Variants in TP53INP2 observed in about 807,000 individuals in gnomAD.
TP53INP2 encodes tumor protein p53 inducible nuclear protein 2.
TP53INP2 carries 12 observed loss-of-function variants against 17.1 expected under a neutral mutation model. That is an observed-to-expected ratio of 0.70 (90% CI 0.45 to 1.14). The LOEUF (loss-of-function observed/expected upper bound fraction) is 1.14. Ranked by LOEUF, TP53INP2 falls within the 50% of genes most tolerant of loss-of-function variation. TP53INP2 has a pLI of 0.00. For missense variants in TP53INP2, 342 were observed against 330.9 expected, an observed-to-expected ratio of 1.03 and a Z score of -0.26; for synonymous variants, 145 against 147.3, an observed-to-expected ratio of 0.98 and a Z score of 0.12.
rs754966270 is a variant in TP53INP2, at chr20:34,711,114, C to G, written c.*807C>G. The G allele has an allele frequency of 5.2e-5, 8 of 152,446 alleles. No homozygotes were observed. Among genetic ancestry groups the G allele is most frequent in the Non-Finnish European group, 8.8e-5 (6 of 68,174 alleles). 9.4% of individuals were successfully genotyped at this position (152,446 alleles called of 1,614,324 possible). On this transcript the variant is annotated 3_prime_UTR_variant, in exon 5 of 5. Coordinates refer to ENST00000374810, the MANE Select transcript of TP53INP2 (RefSeq NM_021202.3). This position sits in a 1 kb window ranked among gnomAD's most constrained non-coding sequence, Gnocchi z 4.1. Reference sequence around the variant, plus strand: ...GCTCAGAGAGGCCAAACCCTGCTCCCAGGCTGAAGCCTGGAGTCTGCCCCC... The same window carrying G: ...GCTCAGAGAGGCCAAACCCTGCTCCGAGGCTGAAGCCTGGAGTCTGCCCCC...
At position 34,706,301 on chromosome 20, in the gene TP53INP2, G is replaced by T. The variant is rs1032875316; in HGVS notation, c.-50+827G>T. The stretch of plus-strand genomic sequence containing the variant: ...ACTAGGTCTGCCCTGCCACTATCTA[G>T]CCATGTATTTTTGGATAGATTTATG... On this transcript the variant is annotated intron_variant, in intron 2 of 4. Transcript: ENST00000374810. Among the ~76,000 whole-genome samples, 11 of 152,284 alleles carry T rather than the reference G, an allele frequency of 7.2e-5. 1 individual carries two copies. The Middle Eastern group carries it at 0.017, about 235-fold the overall frequency.
At position 34,712,929 on chromosome 20, in the gene TP53INP2, T is replaced by C. The variant is rs1269392227; in HGVS notation, c.*2622T>C. 6.6e-6 allele frequency: 1 copy of C among 152,638 alleles called. No individual in the cohort carries two copies. The highest frequency in any genetic ancestry group is 1.5e-5 in the Non-Finnish European group (1 of 68,050). The allele number at this position is 152,638 out of a possible 1,614,324, so 9.5% of individuals were successfully genotyped here. Reference sequence around the variant, plus strand: ...AGTGGTTCCTTCAAGCTGGGTGTCTTTCCAGCCTTTGCCAGTCTAGCCCCA... The same window carrying C: ...AGTGGTTCCTTCAAGCTGGGTGTCTCTCCAGCCTTTGCCAGTCTAGCCCCA... On this transcript the variant is annotated 3_prime_UTR_variant, in exon 5 of 5. Coordinates refer to ENST00000374810, the MANE Select transcript of TP53INP2 (RefSeq NM_021202.3).
Position 34,708,875 on chromosome 20 carries a change from G to T in TP53INP2, c.124+12G>T. The stretch of plus-strand genomic sequence containing the variant: ...CATTGACCTGCCGGGTGAGGCCTGG[G>T]TCTGTCTCCTGGGCCTGTGAAGTCA... On this transcript the variant is annotated intron_variant, in intron 3 of 4. Transcript: ENST00000374810. The T allele has an allele frequency of 6.2e-7, 1 of 1,612,766 alleles. No individual in the cohort carries two copies. The highest frequency in any genetic ancestry group is 8.5e-7 in the Non-Finnish European group (1 of 1,179,130).
intron 1 of TP53INP2, 179 bp downstream of exon 1, chr20:34,704,691 A>G (rs1428067306): frequency 2.0e-5 from 3 of 151,906 alleles, no homozygotes; most frequent in African/African-American, 7.3e-5. Flanking sequence ...TGACATTGAG[A>G]CGTCACCAAG....
Position 34,710,267 on chromosome 20 carries a change from G to A in TP53INP2, c.623G>A (p.Ser208Asn). The A allele has an allele frequency of 6.9e-7, 1 of 1,451,966 alleles. No homozygotes were observed. The highest frequency in any genetic ancestry group is 9.2e-7 in the Non-Finnish European group (1 of 1,091,450). 89.9% of individuals were successfully genotyped at this position (1,451,966 alleles called of 1,614,324 possible). ...CCGCGCCGGTCCAAGAACCAGAGCAGCTTCATCTACCAGCCGTGCCAGCGC... is the reference window on the plus strand; with the variant it reads ...CCGCGCCGGTCCAAGAACCAGAGCAACTTCATCTACCAGCCGTGCCAGCGC... ...SRPRRSKNQS[S>N]FIYQPCQRQF... The change falls in exon 5 of 5, where the codon AGC becomes AAC. Residue 208 changes from serine (S) to asparagine (N), a missense_variant. Coordinates refer to ENST00000374810, the MANE Select transcript of TP53INP2 (RefSeq NM_021202.3). This position sits in a 1 kb window ranked among gnomAD's most constrained non-coding sequence, Gnocchi z 4.9.
In TP53INP2 at chr20:34,708,577, C is replaced by T. The variant is rs1988053376; in HGVS notation, c.-49-114C>T. Reference sequence around the variant, plus strand: ...TTCCCAAAGCGTCCGCACACATCCCCGTTGTGTGTACCCTTCTCCCTGCTC... The same window carrying T: ...TTCCCAAAGCGTCCGCACACATCCCTGTTGTGTGTACCCTTCTCCCTGCTC... On this transcript the variant is annotated intron_variant, in intron 2 of 4. Transcript: ENST00000374810. 11 of 593,770 alleles carry T rather than the reference C, an allele frequency of 1.9e-5. 1 individual carries two copies. In the South Asian group the frequency reaches 2.4e-4, roughly 13 times the overall value. The allele number at this position is 593,770 out of a possible 1,614,324, so 36.8% of individuals were successfully genotyped here. A position where few individuals can be genotyped will look rare whatever the true frequency, so the allele number is the denominator to read the frequency against.
intron 2 of TP53INP2, among the ~76,000 whole-genome samples, 188 bp downstream of exon 2, chr20:34,705,662 GT>G (rs1194695864): frequency 6.6e-6 from 1 of 152,196 alleles, no homozygotes; most frequent in African/African-American, 2.4e-5. Flanking sequence ...CCCACAGAGA[GT>G]ATAGGAGAAG....
Position 34,708,782 on chromosome 20 carries a change from C to T in TP53INP2, c.43C>T (p.Pro15Ser), listed in dbSNP as rs752289195. ...CAGCCTCTTCTTCAGCACCCCCTCGCCCCCCGAAGACCCCGACTGCCCCCG... is the reference window on the plus strand; with the variant it reads ...CAGCCTCTTCTTCAGCACCCCCTCGTCCCCCGAAGACCCCGACTGCCCCCG... ...LSSLFFSTPS[P>S]PEDPDCPRAF... is the part of the protein sequence containing the mutation. Residue 15 changes from proline to serine, a missense_variant, in exon 3 of 5, where the codon CCC becomes TCC. Pro to Ser is a moderately conservative substitution (Grantham distance 74, BLOSUM62 -1). Coordinates refer to ENST00000374810, the MANE Select transcript of TP53INP2 (RefSeq NM_021202.3). The T allele has an allele frequency of 8.1e-6, 13 of 1,606,218 alleles. No homozygotes were observed. In the Admixed American group the frequency reaches 1.7e-4, roughly 21 times the overall value.
chr20:34,712,624 T>C lies in TP53INP2; in HGVS notation c.*2317T>C, dbSNP rs1170188774. ...CCCTTGTCATACTGTATTGACTGTG[T>C]ACGTGCCTTTCACCTTGAGCATGCT... is the stretch of plus-strand genomic sequence containing the variant. On this transcript the variant is annotated 3_prime_UTR_variant, in exon 5 of 5. Coordinates refer to ENST00000374810, the MANE Select transcript of TP53INP2 (RefSeq NM_021202.3). 1 of 152,632 alleles carries C rather than the reference T, an allele frequency of 6.6e-6. No individual in the cohort carries two copies. Among genetic ancestry groups the C allele is most frequent in the Non-Finnish European group, 1.5e-5 (1 of 68,048 alleles). 9.5% of individuals were successfully genotyped at this position (152,632 alleles called of 1,614,324 possible).
intron 2 of TP53INP2, 68 bp from the exon 3 acceptor site, chr20:34,708,623 C>A: frequency 1.1e-6 from 1 of 945,416 alleles, no homozygotes. Flanking sequence ...ATCTTCTGGC[C>A]TCTTCCCCAG....
chr20:34,708,992 C>T (rs1028820428), intron 3 of TP53INP2, 129 bp downstream of exon 3: 5 of 1,445,494 alleles, frequency 3.5e-6, no homozygotes, highest in Non-Finnish European at 3.7e-6. Flanking sequence ...GGTCACGGGG[C>T]CCCTTCCCAT....
chr20:34,710,401 A>C lies in TP53INP2; in HGVS notation c.*94A>C. Reference sequence around the variant, plus strand: ...GCTGGACACCGAAACCTCCCTTCTTAAAGCGTGTGAGGTTGGGTGATAGCC... The same window carrying C: ...GCTGGACACCGAAACCTCCCTTCTTCAAGCGTGTGAGGTTGGGTGATAGCC... On this transcript the variant is annotated 3_prime_UTR_variant, in exon 5 of 5. Coordinates refer to ENST00000374810, the MANE Select transcript of TP53INP2 (RefSeq NM_021202.3). The surrounding 1 kb of genome is among the most constrained non-coding windows in gnomAD (Gnocchi z 4.9). The C allele has an allele frequency of 8.2e-7, 1 of 1,223,166 alleles. No individual in the cohort carries two copies. The allele number at this position is 1,223,166 out of a possible 1,614,324, so 75.8% of individuals were successfully genotyped here. A position where few individuals can be genotyped will look rare whatever the true frequency, so the allele number is the denominator to read the frequency against.
rs548104492 is a variant in TP53INP2, at chr20:34,710,012, C to CG, written c.414-46_414-45insG. 3.3e-5 allele frequency: 42 copies of CG among 1,277,468 alleles called. No individual in the cohort carries two copies. In the East Asian group the frequency reaches 1.2e-3, roughly 35 times the overall value. 79.1% of individuals were successfully genotyped at this position (1,277,468 alleles called of 1,614,324 possible). On this transcript the variant is annotated intron_variant, in intron 4 of 4. Transcript: ENST00000374810. The surrounding 1 kb of genome is among the most constrained non-coding windows in gnomAD (Gnocchi z 4.9). The stretch of plus-strand genomic sequence containing the variant: ...GAGATGGCAGCGCCCTCTAGACCCC[C>CG]CGCCCAGCTTACCCGGCTTGACCGA...
At chr20:34,707,562 G>A (rs1026725085) in intron 2 of TP53INP2, among the ~76,000 whole-genome samples, 1 of 152,128 alleles carries the variant, frequency 6.6e-6, no homozygotes, top group African/African-American at 2.4e-5. Flanking sequence ...CCCAGAAAAG[G>A]CAATAGAATA....
rs777577490 is a variant in TP53INP2, at chr20:34,709,514, C to G, written c.403C>G (p.Leu135Val). Residue 135 changes from leucine (L) to valine (V), a missense_variant, in exon 4 of 5, where the codon CTC becomes GTC. Transcript: ENST00000374810. The surrounding 1 kb of genome is among the most constrained non-coding windows in gnomAD (Gnocchi z 5.4). ...GGACGCGGCCCTGCCTGACGGCGAC[C>G]TCAGCGAAGGGTGAGCGGGCCGGGG... ...LPDAALPDGDLSEGELTPARR... is the reference protein window; with the variant it reads ...LPDAALPDGDVSEGELTPARR... 11 of 1,607,778 alleles carry G rather than the reference C, an allele frequency of 6.8e-6. No homozygotes were observed. The South Asian group carries it at 8.8e-5, about 13-fold the overall frequency.
rs563406729 is a variant in TP53INP2 at position 34,710,309 on chromosome 20, C to T, written c.*2C>T. 1.5e-6 allele frequency: 2 copies of T among 1,370,252 alleles called. No homozygotes were observed. The allele number at this position is 1,370,252 out of a possible 1,614,324, so 84.9% of individuals were successfully genotyped here. On this transcript the variant is annotated 3_prime_UTR_variant, in exon 5 of 5. Coordinates refer to ENST00000374810, the MANE Select transcript of TP53INP2 (RefSeq NM_021202.3). The surrounding 1 kb of genome is among the most constrained non-coding windows in gnomAD (Gnocchi z 4.9). ...TGCCAGCGCCAGTTCAACTACTGAG[C>T]GTCCACCGGCCGCGCCACGAACCCC...
Position 34,712,549 on chromosome 20 carries a change from A to G in TP53INP2, c.*2242A>G, listed in dbSNP as rs1300931212. The G allele has an allele frequency of 3.3e-5, 5 of 152,650 alleles. No individual in the cohort carries two copies. Among genetic ancestry groups the G allele is most frequent in the Non-Finnish European group, 7.3e-5 (5 of 68,048 alleles). 9.5% of individuals were successfully genotyped at this position (152,650 alleles called of 1,614,324 possible). On this transcript the variant is annotated 3_prime_UTR_variant, in exon 5 of 5. Transcript: ENST00000374810. ...ATATTTTAATTGTGTATAGATTTCT[A>G]AGAACCAACACTACTCAGTCTCCTG...
rs190747929 is a variant in TP53INP2, at chr20:34,710,035, C to T, written c.414-23C>T. ...CCCCGCCCAGCTTACCCGGCTTGACCGAGCCTGGCTCTGTCCTCACAGGGA... is the reference window on the plus strand; with the variant it reads ...CCCCGCCCAGCTTACCCGGCTTGACTGAGCCTGGCTCTGTCCTCACAGGGA... On this transcript the variant is annotated intron_variant, in intron 4 of 4. Transcript: ENST00000374810. This position sits in a 1 kb window ranked among gnomAD's most constrained non-coding sequence, Gnocchi z 4.9. 3.3e-3 allele frequency: 4,191 copies of T among 1,281,460 alleles called. 26 individuals are homozygous for T. The highest frequency in any genetic ancestry group is 0.019 in the South Asian group (723 of 38,040). The allele number at this position is 1,281,460 out of a possible 1,614,324, so 79.4% of individuals were successfully genotyped here.
Position 34,708,876 on chromosome 20 carries a change from T to G in TP53INP2, c.124+13T>G. ...ATTGACCTGCCGGGTGAGGCCTGGG[T>G]CTGTCTCCTGGGCCTGTGAAGTCAT... On this transcript the variant is annotated intron_variant, in intron 3 of 4. Transcript: ENST00000374810. The G allele has an allele frequency of 6.2e-7, 1 of 1,612,146 alleles. No individual in the cohort carries two copies. Among genetic ancestry groups the G allele is most frequent in the South Asian group, 1.1e-5 (1 of 90,924 alleles).
Sources: allele counts gnomAD v4.1 joint callset (sites outside exome capture counted in the v4.1 genomes callset), GRCh38; gene constraint gnomAD v4.1.1; non-coding constraint Gnocchi (gnomAD v3.1); transcripts MANE v1.5; gene names NCBI Gene and HGNC (gene_info 2026-07-23, HGNC 2026-07-21).